RIOK2: variants seen among roughly 807,000 people sequenced by gnomAD.
The protein encoded by RIOK2 is serine/threonine-protein kinase RIO2.
A neutral mutation model predicts 62.4 loss-of-function variants in RIOK2; 46 were observed. That is an observed-to-expected ratio of 0.74 (90% CI 0.58 to 0.94). The LOEUF (loss-of-function observed/expected upper bound fraction) is 0.94, where lower values mean the gene tolerates loss of function less well. Ranked by LOEUF, RIOK2 falls within the 40% of genes least tolerant of loss-of-function variation. RIOK2 has a pLI of 0.00. For synonymous variants in RIOK2, 197 were observed against 216.0 expected, an observed-to-expected ratio of 0.91 and a Z score of 0.77; for missense variants, 574 against 658.0, an observed-to-expected ratio of 0.87 and a Z score of 1.40.
At position 97,183,213 on chromosome 5, in the gene RIOK2, G is replaced by GC. The variant is rs1256371738; in HGVS notation, c.-23_-22insG. 1 of 1,613,854 alleles carries GC rather than the reference G, an allele frequency of 6.2e-7. No individual in the cohort carries two copies. The highest frequency in any genetic ancestry group is 1.3e-5 in the African/African-American group (1 of 74,916). The stretch of plus-strand genomic sequence containing the variant: ...CCATGGCGGCCCCAGTCCGAACCCA[G>GC]ATGCCTCTCCGACGACAGCCGCAAA... On this transcript the variant is annotated 5_prime_UTR_variant, in exon 1 of 10. In the 5' UTR this introduces an upstream ATG that the reference lacks. Transcript: ENST00000283109.
rs893288332 is a variant in RIOK2, at chr5:97,181,056, G to A, written c.67-1863C>T. On this transcript the variant is annotated intron_variant, in intron 1 of 9. Coordinates refer to ENST00000283109, the MANE Select transcript of RIOK2 (RefSeq NM_018343.3). ...TGGGAGGCCAAGGTGGGTGGATCAC[G>A]AGGTCAAGAGATCGAGACCATTCTG... Among the ~76,000 whole-genome samples, 11 of 152,012 alleles carry A rather than the reference G, an allele frequency of 7.2e-5. No individual in the cohort carries two copies. The South Asian group carries it at 8.3e-4, about 11-fold the overall frequency.
intron 4 of RIOK2, among the ~76,000 whole-genome samples, chr5:97,174,484 T>C (rs316197): frequency 0.34 from 51,220 of 151,974 alleles, 10,096 homozygotes; most frequent in East Asian, 0.46. Context: ...AAACTTTTCC[T>C]GGTTTTCAAA....
chr5:97,182,559 T>A lies in RIOK2; in HGVS notation c.66+567A>T, dbSNP rs572706175. On this transcript the variant is annotated intron_variant, in intron 1 of 9. Coordinates refer to ENST00000283109, the MANE Select transcript of RIOK2 (RefSeq NM_018343.3). ...CCTCCTCTCCACCAGATACATATAC[T>A]TTCTATGCCATTATCCTTTATCATT... 1.4e-4 allele frequency among the ~76,000 whole-genome samples: 22 copies of A among 152,306 alleles called. No homozygotes were observed. In the South Asian group the frequency reaches 2.9e-3, roughly 20 times the overall value.
At chr5:97,168,024 A>G in intron 7 of RIOK2, 33 bp from the exon 8 acceptor site, 1 of 1,535,750 alleles carries the variant, frequency 6.5e-7, no homozygotes, top group East Asian at 2.3e-5. Flanking sequence ...ATAGAAAGAG[A>G]GAAAAAATGT....
chr5:97,180,598 C>T (rs1045490726), intron 1 of RIOK2, among the ~76,000 whole-genome samples: 2 of 152,056 alleles, frequency 1.3e-5, no homozygotes, highest in East Asian at 1.9e-4. Flanking sequence ...GATGTTTAGG[C>T]GTGGGAGACA....
chr5:97,174,623 C>T (rs1749112765), intron 4 of RIOK2, among the ~76,000 whole-genome samples: 2 of 152,022 alleles, frequency 1.3e-5, no homozygotes, highest in Non-Finnish European at 2.9e-5. Flanking sequence ...CATGTCATTG[C>T]CCATACCACT....
At chr5:97,178,919 G>T in intron 2 of RIOK2, 136 bp downstream of exon 2, 3 of 954,228 alleles carry the variant, frequency 3.1e-6, no homozygotes, top group Non-Finnish European at 4.8e-6. Flanking sequence ...AATAGGATAT[G>T]GCCGAAGTGT....
At chr5:97,163,625 G>T (rs1748763733) in intron 9 of RIOK2, among the ~76,000 whole-genome samples, 1 of 152,152 alleles carries the variant, frequency 6.6e-6, no homozygotes, top group Non-Finnish European at 1.5e-5. Context: ...TTCAGCTGTA[G>T]AATTGACCTG....
intron 9 of RIOK2, among the ~76,000 whole-genome samples, chr5:97,163,755 A>C (rs1469059740): frequency 6.6e-6 from 1 of 152,226 alleles, no homozygotes; most frequent in Non-Finnish European, 1.5e-5. Context: ...AGAAATGTGA[A>C]ATACTCAGTT....
In RIOK2 at chr5:97,183,166, A is replaced by G. The variant is rs1253405829; in HGVS notation, c.26T>C (p.Leu9Ser). MGKVNVAK[L>S]RYMSRDDFRV... ...GAAGTCATCTCGGCTCATGTAACGC[A>G]ACTTGGCCACATTCACTTTCCCCAT... The change falls in exon 1 of 10, where the codon TTG becomes TCG. Residue 9 changes from leucine to serine, a missense_variant. By Grantham distance (145) the Leu-to-Ser change is moderately radical (BLOSUM62 -2). Coordinates refer to ENST00000283109, the MANE Select transcript of RIOK2 (RefSeq NM_018343.3). 2 of 1,614,018 alleles carry G rather than the reference A, an allele frequency of 1.2e-6. No homozygotes were observed. The highest frequency in any genetic ancestry group is 1.7e-6 in the Non-Finnish European group (2 of 1,180,002).
chr5:97,164,857 G>A, intron 9 of RIOK2, 194 bp downstream of exon 9: 1 of 376,624 alleles, frequency 2.7e-6, no homozygotes. Context: ...ATGGTGGCAG[G>A]ACACAACTCT....
At chr5:97,176,055 G>A (rs1310849139) in intron 4 of RIOK2, 3 of 151,660 alleles carry the variant, frequency 2.0e-5, no homozygotes, top group Admixed American at 6.6e-5. Flanking sequence ...CAATGAATAG[G>A]CCTAACCCTG....
At chr5:97,171,982 C>A (rs1343781266) in intron 5 of RIOK2, among the ~76,000 whole-genome samples, 1 of 152,138 alleles carries the variant, frequency 6.6e-6, no homozygotes, top group Non-Finnish European at 1.5e-5. Context: ...GTCAGTTGAC[C>A]TCTTTGAACA....
chr5:97,182,062 A>G (rs1056404707), intron 1 of RIOK2, among the ~76,000 whole-genome samples: 13 of 152,228 alleles, frequency 8.5e-5, no homozygotes, highest in African/African-American at 3.1e-4. Flanking sequence ...TTACATAATT[A>G]CACAATATAG....
chr5:97,167,911 G>A lies in RIOK2; in HGVS notation c.953C>T (p.Pro318Leu), dbSNP rs1440501023. ...AATATTTTTATCATCTGGACCTAAT[G>A]GATGAAGCAGTTCATCATCTGCCTG... is the stretch of plus-strand genomic sequence containing the variant. ...EMQADDELLH[P>L]LGPDDKNIET... Residue 318 changes from proline to leucine, a missense_variant, in exon 8 of 10, where the codon CCA becomes CTA. Pro to Leu is a moderately conservative substitution (Grantham distance 98, BLOSUM62 -3). Transcript: ENST00000283109. 1 of 1,611,358 alleles carries A rather than the reference G, an allele frequency of 6.2e-7. No homozygotes were observed. Among genetic ancestry groups the A allele is most frequent in the Non-Finnish European group, 8.5e-7 (1 of 1,179,922 alleles).
chr5:97,172,823 A>T (rs1436506738), intron 5 of RIOK2, among the ~76,000 whole-genome samples: 1 of 152,164 alleles, frequency 6.6e-6, no homozygotes. Flanking sequence ...TTTTATCCAT[A>T]GTACTTACTA....
At position 97,160,995 on chromosome 5, in the gene RIOK2, T is replaced by G. The variant is rs904588561; in HGVS notation, c.*2066A>C. 6.6e-6 allele frequency: 1 copy of G among 152,228 alleles called. No individual in the cohort carries two copies. Among genetic ancestry groups the G allele is most frequent in the Non-Finnish European group, 1.5e-5 (1 of 68,050 alleles). The allele number at this position is 152,228 out of a possible 1,614,324, so 9.4% of individuals were successfully genotyped here. ...GCTGAAATACCAGTGACCATCACAA[T>G]AGGAAAGGTGGTCAGCTTGTGGAAT... On this transcript the variant is annotated 3_prime_UTR_variant, in exon 10 of 10. Transcript: ENST00000283109.
At chr5:97,168,923 A>G in intron 6 of RIOK2, 71 bp from the exon 7 acceptor site, 1 of 861,438 alleles carries the variant, frequency 1.2e-6, no homozygotes, top group East Asian at 2.7e-5. Context: ...CAATGACAAT[A>G]TACTTATTGG....
rs181079410 is a variant in RIOK2 at position 97,170,355 on chromosome 5, A to T, written c.779+851T>A. Among the ~76,000 whole-genome samples the T allele has an allele frequency of 1.2e-4, 18 of 152,332 alleles. 1 individual carries two copies. The highest frequency in any genetic ancestry group is 7.2e-4 in the Admixed American group (11 of 15,302). On this transcript the variant is annotated intron_variant, in intron 6 of 9. Coordinates refer to ENST00000283109, the MANE Select transcript of RIOK2 (RefSeq NM_018343.3). ...TGATTCTGCACTGTGTCAGAGATAA[A>T]GTTTTATGTGATTTTTTTTCTAATA...
Sources: gnomAD v4.1 joint callset for allele counts (sites outside exome capture counted in the v4.1 genomes callset) on GRCh38, gnomAD v4.1.1 for gene constraint, MANE v1.5 for transcripts, NCBI Gene and HGNC (gene_info 2026-07-23, HGNC 2026-07-21) for gene names.